COG2: variants seen among roughly 807,000 people sequenced by gnomAD.
The protein encoded by COG2 is component of oligomeric golgi complex 2, also known as conserved oligomeric Golgi complex subunit 2.
A neutral mutation model predicts 90.6 loss-of-function variants in COG2; 52 were observed. The observed-to-expected ratio is 0.57, with a 90% CI of 0.46 to 0.72. The LOEUF (loss-of-function observed/expected upper bound fraction) is 0.72, where lower values mean the gene tolerates loss of function less well. COG2 is among the 30% of genes least tolerant of loss of function. The pLI, the probability that COG2 is intolerant of heterozygous loss-of-function variation, is 0.00. For synonymous variants in COG2, 337 were observed against 320.4 expected (o/e 1.05, Z -0.55); for missense variants, 829 against 891.2 (o/e 0.93, Z 0.89).
At chr1:230,689,820 G>C (rs753052520) in intron 15 of COG2, 194 bp from the exon 16 acceptor site, 53 of 504,176 alleles carry the variant, frequency 1.1e-4, no homozygotes, top group Non-Finnish European at 1.6e-4. Context: ...TCTTGTGCTG[G>C]CTCTTCTTAT....
intron 5 of COG2, among the ~76,000 whole-genome samples, chr1:230,664,863 C>T (rs193032926): frequency 1.8e-4 from 27 of 152,260 alleles, no homozygotes; most frequent in Admixed American, 3.9e-4. Flanking sequence ...TTGAAATTGC[C>T]TTACCCATGG....
intron 1 of COG2, among the ~76,000 whole-genome samples, chr1:230,653,983 G>A (rs12404667): frequency 6.6e-6 from 1 of 152,046 alleles, no homozygotes. Context: ...AAATTTTCTT[G>A]TATGTTTAAG....
intron 10 of COG2, chr1:230,681,638 G>T (rs2493142): frequency 4.6e-5 from 7 of 152,102 alleles, no homozygotes; most frequent in Non-Finnish European, 8.8e-5. Flanking sequence ...TGTATTTGGG[G>T]TTGCCCTTCT....
Position 230,671,566 on chromosome 1 carries a change from G to T in COG2, c.825G>T (p.Met275Ile), listed in dbSNP as rs748926870. The change falls in exon 8 of 18, where the codon ATG (methionine) becomes ATT (isoleucine). Residue 275 changes from methionine (M) to isoleucine (I), a missense_variant. Transcript: ENST00000366669. ...VESHPNGLQVMYNKLLEFVPH... is the reference protein window; with the variant it reads ...VESHPNGLQVIYNKLLEFVPH... Reference sequence around the variant, plus strand: ...CTCATCCCAATGGCCTTCAGGTCATGTATAATAAACTCCTGGAGTTTGTTC... The same window carrying T: ...CTCATCCCAATGGCCTTCAGGTCATTTATAATAAACTCCTGGAGTTTGTTC... 1.2e-6 allele frequency: 2 copies of T among 1,613,554 alleles called. No individual in the cohort carries two copies. Among genetic ancestry groups the T allele is most frequent in the African/African-American group, 2.7e-5 (2 of 74,896 alleles).
chr1:230,663,719 G>T (rs1467862448), intron 4 of COG2, among the ~76,000 whole-genome samples: 2 of 152,152 alleles, frequency 1.3e-5, no homozygotes, highest in Non-Finnish European at 2.9e-5. Flanking sequence ...TTTTTATAAT[G>T]TTCCTTGATA....
In COG2 at chr1:230,678,193, C is replaced by T. The variant is rs1376768434; in HGVS notation, c.1027-720C>T. ...TACCCACAAAAGCAACATGCAGCCG[C>T]AGTTTTGGTCAACTGACTGACTAGC... On this transcript the variant is annotated intron_variant, in intron 9 of 17. Transcript: ENST00000366669. The T allele has an allele frequency of 4.1e-6, 4 of 985,278 alleles. No homozygotes were observed. In the African/African-American group the frequency reaches 5.2e-5, roughly 13 times the overall value. 61.0% of individuals were successfully genotyped at this position (985,278 alleles called of 1,614,324 possible).
At position 230,690,040 on chromosome 1, in the gene COG2, T is replaced by C. The variant is rs778467861; in HGVS notation, c.1821T>C (p.Tyr607=). 3 of 1,609,936 alleles carry C rather than the reference T, an allele frequency of 1.9e-6. No individual in the cohort carries two copies. Among genetic ancestry groups the C allele is most frequent in the Non-Finnish European group, 1.7e-6 (2 of 1,178,130 alleles). The change falls in exon 16 of 18, where the codon TAT becomes TAC. Residue 607 remains tyrosine, a synonymous_variant. Transcript: ENST00000366669. ...AGGTCCCAACCACAGCTTCCTCCTA[T>C]GTGGACAGTGCTCTGAAGCCCTTAT... The part of the protein sequence containing the change: ...NKEVPTTASS[Y]VDSALKPLFQ...
intron 1 of COG2, among the ~76,000 whole-genome samples, chr1:230,651,840 A>T (rs1336542454): frequency 6.6e-6 from 1 of 152,210 alleles, no homozygotes; most frequent in East Asian, 1.9e-4. Flanking sequence ...TATCTACCTT[A>T]GTATTTTTTA....
intron 4 of COG2, among the ~76,000 whole-genome samples, chr1:230,664,228 T>C (rs1662258791): frequency 6.7e-6 from 1 of 150,148 alleles, no homozygotes; most frequent in Admixed American, 6.6e-5. Flanking sequence ...AAGGATATAA[T>C]ATAAGAAACC....
intron 1 of COG2, among the ~76,000 whole-genome samples, chr1:230,644,997 A>G (rs74230146): frequency 0.062 from 9,432 of 152,156 alleles, 607 homozygotes; most frequent in African/African-American, 0.17. Context: ...AAAGGTGGTA[A>G]TGGCATGATA....
At chr1:230,684,982 A>G in intron 11 of COG2, 103 bp from the exon 12 acceptor site, 1 of 1,389,378 alleles carries the variant, frequency 7.2e-7, no homozygotes, top group East Asian at 2.3e-5. Context: ...TCAGAAGGCC[A>G]TTTTCTTTAC....
chr1:230,684,263 GT>G (rs139645018), intron 11 of COG2: 4 of 152,102 alleles, frequency 2.6e-5, no homozygotes, highest in African/African-American at 7.3e-5. Flanking sequence ...TGAACAGCTG[GT>G]TTTTTTTAGC....
chr1:230,660,718 G>T (rs1291895318), intron 2 of COG2, 40 bp from the exon 3 acceptor site: 2 of 1,448,246 alleles, frequency 1.4e-6, no homozygotes, highest in South Asian at 1.3e-5. Flanking sequence ...TGTTACTCTT[G>T]ATTGTGAGGT....
chr1:230,677,429 T>G (rs1193375307), intron 9 of COG2, among the ~76,000 whole-genome samples: 1 of 152,194 alleles, frequency 6.6e-6, no homozygotes, highest in Admixed American at 6.5e-5. Flanking sequence ...GGTTTACCAT[T>G]CCAGAAATGC....
chr1:230,675,696 G>C (rs1012585124), intron 9 of COG2, among the ~76,000 whole-genome samples: 3 of 152,062 alleles, frequency 2.0e-5, no homozygotes, highest in Non-Finnish European at 4.4e-5. Flanking sequence ...AGGGTGGAGT[G>C]CAGTGGCACA....
chr1:230,662,510 C>T (rs1421067404), intron 3 of COG2, among the ~76,000 whole-genome samples: 5 of 152,132 alleles, frequency 3.3e-5, no homozygotes, highest in Non-Finnish European at 7.4e-5. Flanking sequence ...CATGTTTCTC[C>T]ACTTATGACC....
intron 9 of COG2, among the ~76,000 whole-genome samples, chr1:230,677,688 T>C (rs1233836454): frequency 6.6e-6 from 1 of 152,234 alleles, no homozygotes; most frequent in Non-Finnish European, 1.5e-5. Flanking sequence ...CATGTTTGAC[T>C]CAGGAAATGT....
At chr1:230,655,292 G>T (rs909466057) in intron 1 of COG2, among the ~76,000 whole-genome samples, 2 of 152,154 alleles carry the variant, frequency 1.3e-5, no homozygotes, top group South Asian at 4.1e-4. Context: ...AGTTTATTGA[G>T]AGTTTTTAGC....
Position 230,688,134 on chromosome 1 carries a change from T to G in COG2, c.1642T>G (p.Ser548Ala). 6.3e-7 allele frequency: 1 copy of G among 1,590,446 alleles called. No homozygotes were observed. Among genetic ancestry groups the G allele is most frequent in the South Asian group, 1.2e-5 (1 of 85,796 alleles). The change falls in exon 14 of 18, where the codon TCT becomes GCT. Residue 548 changes from serine to alanine, a missense_variant. Ser to Ala is a moderately conservative substitution (Grantham distance 99, BLOSUM62 1). Coordinates refer to ENST00000366669, the MANE Select transcript of COG2 (RefSeq NM_007357.3). ...AATGATTGGCTTTAAGAATTTTTCT[T>G]CTATCTCAGGTAAAAATGAATCTTG... ...LEMIGFKNFS[S>A]ISAALEDSQS...
Sources: gnomAD v4.1 joint callset for allele counts (sites outside exome capture counted in the v4.1 genomes callset) on GRCh38, gnomAD v4.1.1 for gene constraint, MANE v1.5 for transcripts, NCBI Gene and HGNC (gene_info 2026-07-23, HGNC 2026-07-21) for gene names.